SENP5: variants seen among roughly 807,000 people sequenced by gnomAD.
The protein encoded by SENP5 is SUMO specific peptidase 5, also known as sentrin-specific protease 5.
SENP5 carries 21 observed loss-of-function variants against 74.2 expected under a neutral mutation model. The ratio of observed to expected loss-of-function variants is 0.28; its 90% confidence interval spans 0.20 to 0.41. The LOEUF is 0.41. Among genes scored for constraint, SENP5 ranks in the 10% least tolerant of loss-of-function variants. SENP5 has a pLI of 1.00. For synonymous variants in SENP5, 311 were observed against 312.7 expected (o/e 0.99, Z 0.06); for missense variants, 717 against 889.1 (o/e 0.81, Z 2.46).
intron 1 of SENP5, among the ~76,000 whole-genome samples, chr3:196,869,844 C>CTTT (rs10559181): frequency 7.6e-6 from 1 of 131,436 alleles, no homozygotes; most frequent in Non-Finnish European, 1.6e-5. Context: ...CTAAATCAGC[C>CTTT]TTTTTTTTTT....
At chr3:196,886,802 T>C in intron 2 of SENP5, 108 bp downstream of exon 2, 1 of 852,234 alleles carries the variant, frequency 1.2e-6, no homozygotes, top group South Asian at 2.0e-5. Context: ...AATATTTCTT[T>C]AAACCAGTTA....
chr3:196,895,552 C>T (rs879320667), intron 2 of SENP5, among the ~76,000 whole-genome samples: 17 of 151,858 alleles, frequency 1.1e-4, no homozygotes, highest in Non-Finnish European at 2.4e-4. Context: ...GGCAGGGTCT[C>T]GTTCTGTTGC....
At chr3:196,882,007 G>A (rs768532781) in intron 1 of SENP5, among the ~76,000 whole-genome samples, 4 of 148,070 alleles carry the variant, frequency 2.7e-5, no homozygotes, top group African/African-American at 7.5e-5. Context: ...AGCAATTCTC[G>A]TGTCTCAGCC....
At chr3:196,915,389 A>G (rs547847346) in intron 6 of SENP5, among the ~76,000 whole-genome samples, 1 of 152,320 alleles carries the variant, frequency 6.6e-6, no homozygotes, top group Non-Finnish European at 1.5e-5. Context: ...CCACAGTAAA[A>G]TAAAGCACCA....
intron 2 of SENP5, among the ~76,000 whole-genome samples, chr3:196,893,600 A>G (rs1416300375): frequency 6.6e-6 from 1 of 152,126 alleles, no homozygotes; most frequent in African/African-American, 2.4e-5. Context: ...GTGAATGGAA[A>G]AAAGCAGCTT....
rs55692471 is a variant in SENP5 at position 196,914,586 on chromosome 3, A to AATAT, written c.1885-8805_1885-8802dup. On this transcript the variant is annotated intron_variant, in intron 6 of 9. Transcript: ENST00000323460. ...CTTTAAAAAAAAAAAAAAAAAAAAA[A>AATAT]ATATATATATATATATATATATATA... 175 of 33,466 alleles carry AATAT rather than the reference A, an allele frequency of 5.2e-3. 6 individuals carry two copies. Among genetic ancestry groups the AATAT allele is most frequent in the Non-Finnish European group, 5.4e-3 (107 of 19,762 alleles). The allele number at this position is 33,466 out of a possible 1,614,324, so 2.1% of individuals were successfully genotyped here.
At chr3:196,917,364 A>T (rs948859284) in intron 6 of SENP5, among the ~76,000 whole-genome samples, 5 of 152,146 alleles carry the variant, frequency 3.3e-5, no homozygotes, top group Admixed American at 1.3e-4. Context: ...TTGGTCTTAA[A>T]GAGGAGGTAG....
chr3:196,875,836 C>G (rs1364723542), intron 1 of SENP5, among the ~76,000 whole-genome samples: 1 of 152,078 alleles, frequency 6.6e-6, no homozygotes, highest in Non-Finnish European at 1.5e-5. Flanking sequence ...CCCAAGCGAT[C>G]CTTCCACCTC....
intron 1 of SENP5, among the ~76,000 whole-genome samples, chr3:196,871,790 G>A (rs1213454148): frequency 6.6e-6 from 1 of 151,364 alleles, no homozygotes; most frequent in Non-Finnish European, 1.5e-5. Context: ...GGGAGGTGGA[G>A]GTTGCAGTGA....
intron 7 of SENP5, among the ~76,000 whole-genome samples, chr3:196,926,508 A>G (rs1715818908): frequency 6.6e-6 from 1 of 151,768 alleles, no homozygotes; most frequent in African/African-American, 2.4e-5. Flanking sequence ...GAATTTATAT[A>G]TACTGCTTAT....
In SENP5 at chr3:196,931,555, C is replaced by A; in HGVS notation, c.*632C>A. On this transcript the variant is annotated 3_prime_UTR_variant, in exon 10 of 10. Coordinates refer to ENST00000323460, the MANE Select transcript of SENP5 (RefSeq NM_152699.5). ...GGCACACTTGTAAGCACAGTGGCTG[C>A]TTTGGGAGGAGTAAGGTGTGAGAAA... The A allele has an allele frequency of 4.2e-6, 1 of 239,212 alleles. No homozygotes were observed. 14.8% of individuals were successfully genotyped at this position (239,212 alleles called of 1,614,324 possible).
intron 6 of SENP5, among the ~76,000 whole-genome samples, chr3:196,920,793 G>A (rs1257706183): frequency 6.6e-6 from 1 of 152,222 alleles, no homozygotes; most frequent in African/African-American, 2.4e-5. Context: ...AACTGAAGGA[G>A]CAGCACCTTT....
chr3:196,896,982 T>C (rs1714467747), intron 2 of SENP5, among the ~76,000 whole-genome samples: 1 of 152,022 alleles, frequency 6.6e-6, no homozygotes, highest in Non-Finnish European at 1.5e-5. Context: ...CATCTGAAAA[T>C]GAAAATAAAG....
intron 6 of SENP5, among the ~76,000 whole-genome samples, chr3:196,910,386 G>A (rs1715074549): frequency 9.5e-6 from 1 of 104,942 alleles, no homozygotes; most frequent in Non-Finnish European, 1.7e-5. Flanking sequence ...TCGCTCCATT[G>A]CCCAGGCTGG....
rs147412625 is a variant in SENP5 at position 196,886,028 on chromosome 3, G to A, written c.847G>A (p.Gly283Ser). Residue 283 changes from glycine (G) to serine (S), a missense_variant, in exon 2 of 10, where the codon GGT becomes AGT. Gly to Ser is a moderately conservative substitution (Grantham distance 56). This residue lies in a region of SENP5 where 567 missense variants were observed against 577.4 expected (regional missense o/e 0.98). Coordinates refer to ENST00000323460, the MANE Select transcript of SENP5 (RefSeq NM_152699.5). ...GDHQETRREN[G>S]EGGSCSPFPS... ...CCATCAAGAGACCCGTAGGGAGAAC[G>A]GTGAGGGTGGCAGTTGCAGCCCATT... 314 of 1,614,066 alleles carry A rather than the reference G, an allele frequency of 1.9e-4. No individual in the cohort carries two copies. The highest frequency in any genetic ancestry group is 2.5e-4 in the Non-Finnish European group (296 of 1,180,028).
rs1252286628 is a variant in SENP5, at chr3:196,874,138, CT to C, written c.-32+6075del. Among the ~76,000 whole-genome samples, 815 of 139,002 alleles carry C rather than the reference CT, an allele frequency of 5.9e-3. 4 individuals are homozygous for C. Among genetic ancestry groups the C allele is most frequent in the African/African-American group, 0.015 (556 of 36,452 alleles). The allele number at this position is 139,002 out of a possible 152,430, so 91.2% of individuals were successfully genotyped here. A position where few individuals can be genotyped will look rare whatever the true frequency, so the allele number is the denominator to read the frequency against. ...TGAGCCATGGCTGACAGAATGAGAC[CT>C]TTTTTTTTTAAAAAAAAAAAAAGAT... is the stretch of plus-strand genomic sequence containing the variant. On this transcript the variant is annotated intron_variant, in intron 1 of 9. Transcript: ENST00000323460.
At chr3:196,897,586 C>T (rs767733028) in intron 2 of SENP5, among the ~76,000 whole-genome samples, 1 of 152,188 alleles carries the variant, frequency 6.6e-6, no homozygotes, top group Non-Finnish European at 1.5e-5. Context: ...GTCTGTCTCT[C>T]CCCTCATAAA....
At chr3:196,913,620 C>G (rs569633617) in intron 6 of SENP5, among the ~76,000 whole-genome samples, 11 of 144,430 alleles carry the variant, frequency 7.6e-5, no homozygotes, top group African/African-American at 2.8e-4. Context: ...GTAGAAGACT[C>G]AGTGATGAAA....
At chr3:196,893,857 T>C (rs1714318203) in intron 2 of SENP5, among the ~76,000 whole-genome samples, 1 of 150,884 alleles carries the variant, frequency 6.6e-6, no homozygotes, top group Non-Finnish European at 1.5e-5. Flanking sequence ...TTGCAGTGAG[T>C]TGAGATCGCA....
Sources: allele counts gnomAD v4.1 joint callset (sites outside exome capture counted in the v4.1 genomes callset), GRCh38; gene constraint gnomAD v4.1.1; regional missense constraint gnomAD v4.1.1; transcripts MANE v1.5; gene names NCBI Gene and HGNC (gene_info 2026-07-23, HGNC 2026-07-21).